The following ANKRA2 variants were observed in gnomAD, a reference collection of about 807,000 sequenced individuals.
ANKRA2 encodes the protein ankyrin repeat family A member 2, also known as ankyrin repeat family A protein 2.
In ANKRA2, 33 loss-of-function variants were observed where a neutral mutation model predicts 37.8. The ratio of observed to expected loss-of-function variants is 0.87; its 90% CI spans 0.66 to 1.17. The LOEUF (loss-of-function observed/expected upper bound fraction) is 1.17. Ranked by LOEUF, ANKRA2 falls within the 50% of genes most tolerant of loss-of-function variation. The pLI, the probability that ANKRA2 is intolerant of heterozygous loss-of-function variation, is 0.00. For synonymous variants in ANKRA2, 126 were observed against 132.3 expected (o/e 0.95, Z 0.33); for missense variants, 326 against 373.7 (o/e 0.87, Z 1.05).
intron 6 of ANKRA2, 30 bp downstream of exon 6, chr5:73,554,831 G>A: frequency 6.3e-7 from 1 of 1,598,098 alleles, no homozygotes. Flanking sequence ...ACTTGCTAGA[G>A]TCATTTTAAA....
rs777162555 is a variant in ANKRA2, at chr5:73,562,914, T to C, written c.-33A>G. ...ACTGTAGTTTCAATAACTAAAACAT[T>C]TCTTCATGATTTCCTCTTGGTTTTG... On this transcript the variant is annotated 5_prime_UTR_variant, in exon 2 of 9. Transcript: ENST00000296785. 1 of 1,542,564 alleles carries C rather than the reference T, an allele frequency of 6.5e-7. No homozygotes were observed. Among genetic ancestry groups the C allele is most frequent in the Non-Finnish European group, 8.8e-7 (1 of 1,140,550 alleles).
chr5:73,561,458 T>C lies in ANKRA2; in HGVS notation c.290-170A>G. The C allele has an allele frequency of 4.4e-6, 3 of 683,954 alleles. No individual in the cohort carries two copies. The South Asian group carries it at 6.4e-5, about 15-fold the overall frequency. 42.4% of individuals were successfully genotyped at this position (683,954 alleles called of 1,614,324 possible). A position where few individuals can be genotyped will look rare whatever the true frequency, so the allele number is the denominator to read the frequency against. On this transcript the variant is annotated intron_variant, in intron 2 of 8. Coordinates refer to ENST00000296785, the MANE Select transcript of ANKRA2 (RefSeq NM_023039.5). Reference sequence around the variant, plus strand: ...AGTCCATACTTCCTTGTTTGCATAATGGTTAGTCAAAAAAAAAAAAAGTCT... The same window carrying C: ...AGTCCATACTTCCTTGTTTGCATAACGGTTAGTCAAAAAAAAAAAAAGTCT...
At chr5:73,552,903 T>C in intron 8 of ANKRA2, 51 bp from the exon 9 acceptor site, 1 of 1,433,130 alleles carries the variant, frequency 7.0e-7, no homozygotes, top group South Asian at 1.2e-5. Context: ...TAAAATTTCT[T>C]TTAAAACTAT....
intron 6 of ANKRA2, 60 bp downstream of exon 6, chr5:73,554,801 C>A (rs985181568): frequency 1.9e-6 from 3 of 1,568,168 alleles, no homozygotes; most frequent in Non-Finnish European, 2.6e-6. Flanking sequence ...GCATCTCTCC[C>A]AAACCAAATA....
At chr5:73,560,670 G>A (rs80203622) in intron 3 of ANKRA2, among the ~76,000 whole-genome samples, 7,256 of 152,290 alleles carry the variant, frequency 0.048, 199 homozygotes, top group East Asian at 0.13. Context: ...ACAGGTGTGA[G>A]CCACCATGCC....
intron 2 of ANKRA2, chr5:73,562,377 C>A: frequency 2.3e-6 from 1 of 428,714 alleles, no homozygotes; most frequent in East Asian, 4.2e-5. Flanking sequence ...AAATATTAAA[C>A]AAGAAGTTTT....
chr5:73,563,678 T>C (rs1318491565), intron 1 of ANKRA2, among the ~76,000 whole-genome samples: 2 of 152,302 alleles, frequency 1.3e-5, no homozygotes, highest in East Asian at 1.9e-4. Context: ...CCAAGATGTA[T>C]AGTTGTCTTA....
chr5:73,559,352 CT>C (rs5868686), intron 3 of ANKRA2, among the ~76,000 whole-genome samples: 103,007 of 151,928 alleles, frequency 0.68, 35,156 homozygotes, highest in East Asian at 0.83. Flanking sequence ...TGCTGTTTTT[CT>C]TTTTTTTAAC....
intron 7 of ANKRA2, among the ~76,000 whole-genome samples, chr5:73,553,929 C>T (rs1315061759): frequency 6.6e-6 from 1 of 152,078 alleles, no homozygotes; most frequent in Non-Finnish European, 1.5e-5. Context: ...CGCCCACCTG[C>T]CTGGCTAATT....
chr5:73,563,315 C>T (rs1011092703), intron 1 of ANKRA2, among the ~76,000 whole-genome samples: 15 of 152,212 alleles, frequency 9.9e-5, no homozygotes, highest in African/African-American at 3.4e-4. Context: ...AATTCCAATA[C>T]ATTTTAGTTA....
chr5:73,563,000 T>G lies in ANKRA2; in HGVS notation c.-104-15A>C, dbSNP rs144710691. The G allele has an allele frequency of 3.1e-4, 298 of 967,022 alleles. 2 individuals carry two copies. In the African/African-American group the frequency reaches 4.4e-3, roughly 14 times the overall value. 59.9% of individuals were successfully genotyped at this position (967,022 alleles called of 1,614,324 possible). On this transcript the variant is annotated splice_polypyrimidine_tract_variant and intron_variant, in intron 1 of 8. Coordinates refer to ENST00000296785, the MANE Select transcript of ANKRA2 (RefSeq NM_023039.5). ...TATTTAAAAATCTGAAAGAAAAAAT[T>G]AGAAAATTAAAAGTATTCTATCAGC...
At chr5:73,559,928 A>T (rs927313258) in intron 3 of ANKRA2, among the ~76,000 whole-genome samples, 8 of 151,858 alleles carry the variant, frequency 5.3e-5, no homozygotes, top group Admixed American at 3.3e-4. Context: ...CTAGCTAATT[A>T]AAAAAAATTT....
chr5:73,561,675 G>A (rs546130813), intron 2 of ANKRA2, among the ~76,000 whole-genome samples: 1 of 152,160 alleles, frequency 6.6e-6, no homozygotes, highest in African/African-American at 2.4e-5. Flanking sequence ...GCTGAGGCAG[G>A]AGAATTGCTT....
chr5:73,553,214 G>A (rs1747298580), intron 8 of ANKRA2, among the ~76,000 whole-genome samples, 192 bp downstream of exon 8: 1 of 152,220 alleles, frequency 6.6e-6, no homozygotes, highest in African/African-American at 2.4e-5. Flanking sequence ...ATTTGGGTTG[G>A]TGAAAAGTAT....
In ANKRA2 at chr5:73,557,637, A is replaced by G; in HGVS notation, c.452T>C (p.Leu151Ser). The G allele has an allele frequency of 1.2e-6, 2 of 1,608,412 alleles. No homozygotes were observed. The highest frequency in any genetic ancestry group is 1.7e-6 in the Non-Finnish European group (2 of 1,175,466). ...VSTTPLLANS[L>S]SVHQLAAQGE... is the part of the protein sequence containing the mutation. ...CTGAGCAGCCAACTGGTGAACAGAC[A>G]AAGCTGAAAGAGTATCATAAAATGC... Residue 151 changes from leucine (L) to serine (S), a missense_variant, in exon 4 of 9, where the codon TTG becomes TCG. Physicochemically the swap from Leu to Ser is moderately radical, Grantham distance 145. This residue lies in a region of ANKRA2 where 228 missense variants were observed against 260.2 expected (regional missense o/e 0.88). Transcript: ENST00000296785.
intron 3 of ANKRA2, 91 bp from the exon 4 acceptor site, chr5:73,557,731 T>C: frequency 2.3e-6 from 2 of 860,844 alleles, no homozygotes; most frequent in East Asian, 2.9e-5. Flanking sequence ...AATTTTCTTT[T>C]CCAAAACAAA....
intron 3 of ANKRA2, among the ~76,000 whole-genome samples, chr5:73,560,543 T>A (rs1389233934): frequency 2.0e-5 from 3 of 152,020 alleles, no homozygotes; most frequent in Non-Finnish European, 2.9e-5. Context: ...GAAATTTTTT[T>A]ATTTTTTATT....
intron 1 of ANKRA2, among the ~76,000 whole-genome samples, chr5:73,564,270 G>C (rs1359753188): frequency 6.6e-6 from 1 of 152,240 alleles, no homozygotes; most frequent in Non-Finnish European, 1.5e-5. Context: ...TGTGTTTCCT[G>C]AGGGAAGAAC....
At chr5:73,558,162 G>A (rs2112014797) in intron 3 of ANKRA2, among the ~76,000 whole-genome samples, 1 of 152,072 alleles carries the variant, frequency 6.6e-6, no homozygotes, top group South Asian at 2.1e-4. Context: ...TTATTTTTAT[G>A]AGACAGGGTT....
Sources: gnomAD v4.1 joint callset for allele counts (sites outside exome capture counted in the v4.1 genomes callset) on GRCh38, gnomAD v4.1.1 for gene constraint, gnomAD v4.1.1 regional missense constraint, MANE v1.5 for transcripts, NCBI Gene and HGNC (gene_info 2026-07-23, HGNC 2026-07-21) for gene names.